NDUFA5: variants seen among roughly 807,000 people sequenced by gnomAD.
NDUFA5 encodes NADH:ubiquinone oxidoreductase subunit A5, also known as NADH dehydrogenase [ubiquinone] 1 alpha subcomplex subunit 5.
NDUFA5 carries 11 observed loss-of-function variants against 19.8 expected under a neutral mutation model. That is an observed-to-expected ratio of 0.56 (90% CI 0.35 to 0.92). NDUFA5 has a LOEUF of 0.92. Ranked by LOEUF, NDUFA5 falls within the 40% of genes least tolerant of loss-of-function variation. NDUFA5 has a pLI of 0.01. For missense variants in NDUFA5, 109 were observed against 134.2 expected (o/e 0.81, Z 0.93); for synonymous variants, 47 against 46.8 (o/e 1.00, Z -0.01).
At chr7:123,577,229 T>C in the NDUFA5 span, among the ~76,000 whole-genome samples, 2 of 152,188 alleles carry the variant, frequency 1.3e-5, no homozygotes, top group African/African-American at 4.8e-5. Flanking sequence ...TTCCCATTAT[T>C]GCAGGATATG....
At chr7:123,597,848 C>T in the NDUFA5 span, among the ~76,000 whole-genome samples, 112 of 151,944 alleles carry the variant, frequency 7.4e-4, no homozygotes, top group East Asian at 0.016. Flanking sequence ...AATAATCCTT[C>T]ACAGATATGG....
the NDUFA5 span, among the ~76,000 whole-genome samples, chr7:123,589,240 C>A: frequency 2.3e-3 from 343 of 151,580 alleles, 1 homozygote; most frequent in African/African-American, 7.8e-3. Flanking sequence ...CATATAATTA[C>A]AATTGTTATT....
chr7:123,542,137 C>G lies in NDUFA5; in HGVS notation c.333G>C (p.Gln111His), dbSNP rs753539036. Residue 111 changes from glutamine (Q) to histidine (H), a missense_variant, in exon 5 of 5, where the codon CAG becomes CAC. Coordinates refer to ENST00000355749, the MANE Select transcript of NDUFA5 (RefSeq NM_005000.5). The part of the protein sequence containing the change: ...EPLVEEPPAD[Q>H]WKWPI Reference sequence around the variant, plus strand: ...TTAATAATTATATTGGCCATTTCCACTGATCGGCAGGAGGCTCTTCCACTA... The same window carrying G: ...TTAATAATTATATTGGCCATTTCCAGTGATCGGCAGGAGGCTCTTCCACTA... 6.2e-6 allele frequency: 10 copies of G among 1,610,622 alleles called. No individual in the cohort carries two copies. In the South Asian group the frequency reaches 1.1e-4, roughly 18 times the overall value.
At chr7:123,576,788 T>C in the NDUFA5 span, among the ~76,000 whole-genome samples, 9 of 152,206 alleles carry the variant, frequency 5.9e-5, no homozygotes, top group Admixed American at 5.9e-4. Context: ...ATGTCTAAGA[T>C]CTGCTGCCAC....
At chr7:123,552,950 G>A (rs1798409104) in intron 2 of NDUFA5, among the ~76,000 whole-genome samples, 1 of 152,134 alleles carries the variant, frequency 6.6e-6, no homozygotes, top group Non-Finnish European at 1.5e-5. Flanking sequence ...CTTGCCAATA[G>A]CTTTCTTGCA....
the NDUFA5 span, among the ~76,000 whole-genome samples, chr7:123,579,663 CCTT>C: frequency 1.3e-5 from 2 of 152,036 alleles, no homozygotes; most frequent in African/African-American, 2.4e-5. Flanking sequence ...ATCTATAACT[CCTT>C]CTGCTCCTGG....
At chr7:123,561,859 G>C (rs571324831), upstream of NDUFA5, among the ~76,000 whole-genome samples, 27 of 151,556 alleles carry the variant, frequency 1.8e-4, no homozygotes, top group Non-Finnish European at 3.4e-4. Flanking sequence ...GCCTTCCAAA[G>C]TGCTAGGATT....
chr7:123,563,985 G>A, the NDUFA5 span, among the ~76,000 whole-genome samples: 1 of 152,224 alleles, frequency 6.6e-6, no homozygotes, highest in East Asian at 1.9e-4. Context: ...AAAAAAGGTT[G>A]GTGAATTTGA....
At chr7:123,593,861 G>A in the NDUFA5 span, among the ~76,000 whole-genome samples, 2 of 152,140 alleles carry the variant, frequency 1.3e-5, no homozygotes, top group Non-Finnish European at 2.9e-5. Flanking sequence ...CTGGATAATA[G>A]CCTGAAGAGT....
intron 2 of NDUFA5, chr7:123,556,617 A>AG (rs1296612507): frequency 3.9e-6 from 1 of 254,968 alleles, no homozygotes; most frequent in Admixed American, 3.8e-5. Flanking sequence ...CAAAAAAAAA[A>AG]AAACGCTGCT....
intron 3 of NDUFA5, chr7:123,545,898 C>T: frequency 2.4e-6 from 1 of 412,152 alleles, no homozygotes; most frequent in East Asian, 4.7e-5. Context: ...ACATGCTGAT[C>T]AAGGGACAGA....
chr7:123,564,561 A>G, the NDUFA5 span, among the ~76,000 whole-genome samples: 1 of 152,106 alleles, frequency 6.6e-6, no homozygotes, highest in Non-Finnish European at 1.5e-5. Flanking sequence ...CCATATATAT[A>G]GGAGATATAT....
chr7:123,580,492 T>TA, the NDUFA5 span, among the ~76,000 whole-genome samples: 3 of 152,070 alleles, frequency 2.0e-5, no homozygotes, highest in Non-Finnish European at 2.9e-5. Context: ...CTTAACCCCC[T>TA]AAGCCTTACT....
chr7:123,551,544 A>T, intron 2 of NDUFA5: 6 of 974,888 alleles, frequency 6.2e-6, no homozygotes, highest in Non-Finnish European at 7.3e-6. Flanking sequence ...AAGCACTGCA[A>T]ATTTTTTTTT....
At chr7:123,567,052 C>T in the NDUFA5 span, 1 of 152,262 alleles carries the variant, frequency 6.6e-6, no homozygotes, top group Admixed American at 6.5e-5. Flanking sequence ...TTGCTAAAGA[C>T]ACCAAAACTA....
At chr7:123,549,385 G>C (rs572401686) in intron 3 of NDUFA5, among the ~76,000 whole-genome samples, 2 of 152,192 alleles carry the variant, frequency 1.3e-5, no homozygotes, top group East Asian at 3.9e-4. Context: ...AACAAAAATA[G>C]GACAATAAGT....
At chr7:123,572,197 A>C in the NDUFA5 span, among the ~76,000 whole-genome samples, 1 of 119,008 alleles carries the variant, frequency 8.4e-6, no homozygotes, top group Non-Finnish European at 1.6e-5. Context: ...GCTGGAGTGC[A>C]GTGACGCGAT....
intron 2 of NDUFA5, among the ~76,000 whole-genome samples, chr7:123,551,777 A>G (rs922920709): frequency 6.6e-6 from 1 of 152,208 alleles, no homozygotes; most frequent in Non-Finnish European, 1.5e-5. Flanking sequence ...AAACTTCAGT[A>G]TAGAAATCAG....
chr7:123,575,624 C>T, the NDUFA5 span, among the ~76,000 whole-genome samples: 6 of 152,028 alleles, frequency 3.9e-5, no homozygotes, highest in African/African-American at 1.2e-4. Context: ...TTACCCAAGC[C>T]ATTATTGTTT....
Sources: gnomAD v4.1 joint callset for allele counts (sites outside exome capture counted in the v4.1 genomes callset) on GRCh38, gnomAD v4.1.1 for gene constraint, MANE v1.5 for transcripts, NCBI Gene and HGNC (gene_info 2026-07-23, HGNC 2026-07-21) for gene names.